LIMCH1: variants seen among roughly 807,000 people sequenced by gnomAD.
LIMCH1 encodes the protein LIM and calponin homology domains 1.
A neutral mutation model predicts 176.5 loss-of-function variants in LIMCH1; 113 were observed. That is an observed-to-expected ratio of 0.64 (90% CI 0.55 to 0.75). The LOEUF (loss-of-function observed/expected upper bound fraction) is 0.75. LIMCH1 is among the 30% of genes least tolerant of loss of function. The probability of loss-of-function intolerance (pLI) is 0.00; values close to 1 mark genes in which losing one functional copy is unlikely to be tolerated. For synonymous variants in LIMCH1, 619 were observed against 645.9 expected, an observed-to-expected ratio of 0.96 and a Z score of 0.63; for missense variants, 1,674 against 1,814.9, an observed-to-expected ratio of 0.92 and a Z score of 1.41.
At chr4:41,503,728 A>T (rs979988783) in intron 2 of LIMCH1, among the ~76,000 whole-genome samples, 1 of 152,160 alleles carries the variant, frequency 6.6e-6, no homozygotes, top group African/African-American at 2.4e-5. Flanking sequence ...AAATCTATAG[A>T]TCACTCCTTC....
At chr4:41,454,978 G>GTT (rs1315941660) in intron 1 of LIMCH1, among the ~76,000 whole-genome samples, 6 of 146,452 alleles carry the variant, frequency 4.1e-5, no homozygotes, top group Non-Finnish European at 8.9e-5. Context: ...GTGTGTGTGT[G>GTT]TTTGTGTGGT....
intron 3 of LIMCH1, among the ~76,000 whole-genome samples, chr4:41,529,670 G>A (rs2077049084): frequency 6.6e-6 from 1 of 152,176 alleles, no homozygotes; most frequent in South Asian, 2.1e-4. Flanking sequence ...GTTCCCAGTT[G>A]AAGATGGGAC....
At chr4:41,420,600 C>T (rs571792709) in intron 1 of LIMCH1, among the ~76,000 whole-genome samples, 10 of 152,320 alleles carry the variant, frequency 6.6e-5, no homozygotes, top group South Asian at 6.2e-4. Flanking sequence ...ATATGAACCA[C>T]GCCTTAGGTT....
chr4:41,526,947 A>C (rs2076724066), intron 3 of LIMCH1, among the ~76,000 whole-genome samples: 1 of 152,204 alleles, frequency 6.6e-6, no homozygotes, highest in Non-Finnish European at 1.5e-5. Context: ...CAGTTCTGCA[A>C]ACACTCTTCA....
At position 41,538,239 on chromosome 4, in the gene LIMCH1, G is replaced by A. The variant is rs762020087; in HGVS notation, c.-352G>A. The stretch of plus-strand genomic sequence containing the variant: ...ACTGTTTTGGGAAAGGAAATGTAAG[G>A]GCATTTCGGCTGCTGTGCTGGGGCT... On this transcript the variant is annotated 5_prime_UTR_variant, in exon 1 of 32. Transcript: ENST00000503057. 1.0e-6 allele frequency: 1 copy of A among 985,556 alleles called. No individual in the cohort carries two copies. Among genetic ancestry groups the A allele is most frequent in the Non-Finnish European group, 1.2e-6 (1 of 830,012 alleles). The allele number at this position is 985,556 out of a possible 1,614,324, so 61.1% of individuals were successfully genotyped here. A position where few individuals can be genotyped will look rare whatever the true frequency, so the allele number is the denominator to read the frequency against.
At position 41,502,764 on chromosome 4, in the gene LIMCH1, G is replaced by A. The variant is rs2073528735; in HGVS notation, c.167+8158G>A. Among the ~76,000 whole-genome samples, 3 of 152,070 alleles carry A rather than the reference G, an allele frequency of 2.0e-5. No homozygotes were observed. The South Asian group carries it at 6.2e-4, about 32-fold the overall frequency. ...GAGTTAGGTCTACATTTAAAGATGA[G>A]GTTTTTTTGGTGGTCGGGTTGGGGG... On this transcript the variant is annotated intron_variant, in intron 2 of 26. Transcript: ENST00000313860.
intron 18 of LIMCH1, among the ~76,000 whole-genome samples, chr4:41,651,172 A>G (rs1311361329): frequency 6.6e-6 from 1 of 151,930 alleles, no homozygotes; most frequent in African/African-American, 2.4e-5. Context: ...GCACCCAGCT[A>G]ATTTTGTATT....
At chr4:41,617,118 A>C (rs1584916664) in intron 5 of LIMCH1, among the ~76,000 whole-genome samples, 1 of 152,268 alleles carries the variant, frequency 6.6e-6, no homozygotes, top group East Asian at 1.9e-4. Flanking sequence ...TACTATACAC[A>C]AATAGGATTC....
intron 22 of LIMCH1, among the ~76,000 whole-genome samples, 194 bp downstream of exon 22, chr4:41,671,788 CTG>C (rs2095043214): frequency 6.7e-6 from 1 of 148,320 alleles, no homozygotes; most frequent in Non-Finnish European, 1.5e-5. Context: ...TGGTGAAACA[CTG>C]TCTCTTACTA....
At chr4:41,682,260 C>G in intron 25 of LIMCH1, 73 bp from the exon 26 acceptor site, 1 of 1,115,224 alleles carries the variant, frequency 9.0e-7, no homozygotes, top group Non-Finnish European at 1.2e-6. Flanking sequence ...CTTCAAATAT[C>G]CCTGGCCAGA....
At chr4:41,360,017 G>C (rs1321494438), upstream of LIMCH1, among the ~76,000 whole-genome samples, 3 of 138,440 alleles carry the variant, frequency 2.2e-5, no homozygotes, top group African/African-American at 8.7e-5. The surrounding 1 kb of genome is among the most constrained non-coding windows in gnomAD (Gnocchi z 4.5). Flanking sequence ...GTGTGGGTAG[G>C]GTGTGTAGGG....
At chr4:41,579,410 C>CT (rs1161176699) in intron 1 of LIMCH1, among the ~76,000 whole-genome samples, 1 of 152,182 alleles carries the variant, frequency 6.6e-6, no homozygotes, top group Non-Finnish European at 1.5e-5. Flanking sequence ...CTCACAATAG[C>CT]TTGTTGCACC....
intron 1 of LIMCH1, among the ~76,000 whole-genome samples, chr4:41,390,269 A>AGAGAGAGAGAGCGAGAGC (rs760332127): frequency 9.3e-5 from 14 of 150,304 alleles, no homozygotes; most frequent in Non-Finnish European, 1.5e-4. Flanking sequence ...AGAGAGAGAG[A>AGAGAGAGAGAGCGAGAGC]GAGAGCGAGA....
Position 41,662,882 on chromosome 4 carries a change from T to G in LIMCH1, c.3189T>G (p.Phe1063Leu), listed in dbSNP as rs1394556675. The G allele has an allele frequency of 4.3e-6, 7 of 1,613,932 alleles. No homozygotes were observed. The African/African-American group carries it at 9.3e-5, about 22-fold the overall frequency. Residue 1063 changes from phenylalanine (F) to leucine (L), a missense_variant, in exon 20 of 32, where the codon TTT becomes TTG. Physicochemically the swap from Phe to Leu is conservative, Grantham distance 22 (BLOSUM62 0). This residue lies in a region of LIMCH1 where 1,015 missense variants were observed against 1,102.5 expected (regional missense o/e 0.92). Transcript: ENST00000503057. The stretch of plus-strand genomic sequence containing the variant: ...GCCCGACCGTGGCCTTTGTGGAATT[T>G]CCCTCCAGCCCCCAGCTGAAGAATG... ...RCSPTVAFVEFPSSPQLKNDV... is the reference protein window; with the variant it reads ...RCSPTVAFVELPSSPQLKNDV...
chr4:41,411,266 T>C (rs1362362857), intron 1 of LIMCH1, among the ~76,000 whole-genome samples: 1 of 152,218 alleles, frequency 6.6e-6, no homozygotes, highest in Non-Finnish European at 1.5e-5. Flanking sequence ...CAAAAACTTT[T>C]ATATATAACC....
rs894994181 is a variant in LIMCH1, at chr4:41,693,258, A to G, written c.4378+874A>G. On this transcript the variant is annotated intron_variant, in intron 31 of 31. Coordinates refer to ENST00000503057, the MANE Select transcript of LIMCH1 (RefSeq NM_001330672.2). ...GGGAGTGTGAAATTCAAGAATGACT[A>G]TTTCTCAAAGTGAAGTCACGTTTTT... The G allele has an allele frequency of 4.6e-5, 7 of 152,348 alleles. No homozygotes were observed. In the South Asian group the frequency reaches 6.2e-4, roughly 14 times the overall value. 9.4% of individuals were successfully genotyped at this position (152,348 alleles called of 1,614,324 possible).
intron 2 of LIMCH1, among the ~76,000 whole-genome samples, chr4:41,600,806 A>AG (rs2089783311): frequency 6.6e-6 from 1 of 152,198 alleles, no homozygotes; most frequent in South Asian, 2.1e-4. Flanking sequence ...GTAAAAAAAA[A>AG]GAGATTTAAA....
At chr4:41,484,759 G>C (rs2069223302) in intron 1 of LIMCH1, among the ~76,000 whole-genome samples, 1 of 152,088 alleles carries the variant, frequency 6.6e-6, no homozygotes, top group African/African-American at 2.4e-5. Context: ...CCAGTTGCTT[G>C]AATCTAGGCA....
Position 41,440,837 on chromosome 4 carries a change from A to G in LIMCH1, c.97-53699A>G, listed in dbSNP as rs1372180805. On this transcript the variant is annotated intron_variant, in intron 1 of 26. Coordinates refer to the LIMCH1 transcript ENST00000313860. ...GTATAAGCCACCGCACCTGGCCCATAGTCTACTATTGATAATATAGCAGAC... is the reference window on the plus strand; with the variant it reads ...GTATAAGCCACCGCACCTGGCCCATGGTCTACTATTGATAATATAGCAGAC... 1.3e-5 allele frequency among the ~76,000 whole-genome samples: 2 copies of G among 152,178 alleles called. 1 individual carries two copies. The highest frequency in any genetic ancestry group is 1.3e-4 in the Admixed American group (2 of 15,264).
Sources: allele counts gnomAD v4.1 joint callset (sites outside exome capture counted in the v4.1 genomes callset), GRCh38; gene constraint gnomAD v4.1.1; regional missense constraint gnomAD v4.1.1; non-coding constraint Gnocchi (gnomAD v3.1); transcripts MANE v1.5; gene names NCBI Gene and HGNC (gene_info 2026-07-23, HGNC 2026-07-21).